Variants in ITIH3 observed in about 807,000 individuals in gnomAD.
ITIH3 encodes inter-alpha-trypsin inhibitor heavy chain 3.
In ITIH3, 81 loss-of-function variants were observed where a neutral mutation model predicts 96.5. That is an observed-to-expected ratio of 0.84 (90% confidence interval 0.70 to 1.01). The LOEUF is 1.01. Ranked by LOEUF, ITIH3 falls within the 50% of genes least tolerant of loss-of-function variation. The pLI is 0.00. For synonymous variants in ITIH3, 422 were observed against 445.2 expected (o/e 0.95, Z 0.66); for missense variants, 1,057 against 1,139.3 (o/e 0.93, Z 1.04).
chr3:52,803,774 C>A (rs1029072782), intron 13 of ITIH3, 81 bp from the exon 14 acceptor site: 2 of 1,499,540 alleles, frequency 1.3e-6, no homozygotes, highest in Non-Finnish European at 1.8e-6. Flanking sequence ...GGATCCCCAG[C>A]TGTGTCCACT....
chr3:52,805,849 A>C lies in ITIH3; in HGVS notation c.1906+9A>C. 1.9e-6 allele frequency: 3 copies of C among 1,613,482 alleles called. No individual in the cohort carries two copies. The highest frequency in any genetic ancestry group is 2.5e-6 in the Non-Finnish European group (3 of 1,179,564). The stretch of plus-strand genomic sequence containing the variant: ...CGCCATGTCCTACCTGAGTGAGTAC[A>C]TGCTGGCAGCTGCCACTCCTCCCAC... On this transcript the variant is annotated intron_variant, in intron 16 of 21. Transcript: ENST00000449956.
chr3:52,805,870 C>T, intron 16 of ITIH3, 30 bp downstream of exon 16: 3 of 1,612,706 alleles, frequency 1.9e-6, no homozygotes, highest in Non-Finnish European at 2.5e-6. Flanking sequence ...TGCCACTCCT[C>T]CCACTGCTTA....
At position 52,802,871 on chromosome 3, in the gene ITIH3, C is replaced by T; in HGVS notation, c.1709+65C>T. ...CTGGGCTCCAATGCAAGGGCACCCCCATACGCAGTCCCAGCGGTCCTGCCC... is the reference window on the plus strand; with the variant it reads ...CTGGGCTCCAATGCAAGGGCACCCCTATACGCAGTCCCAGCGGTCCTGCCC... On this transcript the variant is annotated intron_variant, in intron 13 of 21. Transcript: ENST00000449956. 6 of 1,575,728 alleles carry T rather than the reference C, an allele frequency of 3.8e-6. No individual in the cohort carries two copies. In the South Asian group the frequency reaches 5.7e-5, roughly 15 times the overall value.
chr3:52,796,489 T>G lies in ITIH3; in HGVS notation c.123T>G (p.Asn41Lys). 6.2e-7 allele frequency: 1 copy of G among 1,611,788 alleles called. No individual in the cohort carries two copies. The highest frequency in any genetic ancestry group is 1.1e-5 in the South Asian group (1 of 90,808). ...GKRSLPEGVA[N>K]GIEVYSTKIN... is the part of the protein sequence containing the mutation. ...CACCCACCTCCCCAAAGGTGGCCAA[T>G]GGCATCGAGGTCTACAGTACCAAAA... is the stretch of plus-strand genomic sequence containing the variant. Residue 41 changes from asparagine (N) to lysine (K), a missense_variant, in exon 3 of 22, where the codon AAT (asparagine) becomes AAG (lysine). Physicochemically the swap from Asn to Lys is moderately conservative, Grantham distance 94 (BLOSUM62 0). Transcript: ENST00000449956.
In ITIH3 at chr3:52,800,518, G is replaced by T. The variant is rs1366145896; in HGVS notation, c.1076-20G>T. 2.9e-5 allele frequency: 45 copies of T among 1,552,404 alleles called. No individual in the cohort carries two copies. The highest frequency in any genetic ancestry group is 3.7e-5 in the Non-Finnish European group (43 of 1,147,486). Reference sequence around the variant, plus strand: ...CACCCTGAGGACACCCTCCCACGGTGCTGTCTGTCTGTGTCCCAGTGACCA... The same window carrying T: ...CACCCTGAGGACACCCTCCCACGGTTCTGTCTGTCTGTGTCCCAGTGACCA... On this transcript the variant is annotated intron_variant, in intron 9 of 21. Transcript: ENST00000449956.
In ITIH3 at chr3:52,808,533, A is replaced by C; in HGVS notation, c.2544-19A>C. The C allele has an allele frequency of 6.2e-7, 1 of 1,610,920 alleles. No individual in the cohort carries two copies. Among genetic ancestry groups the C allele is most frequent in the African/African-American group, 1.3e-5 (1 of 74,972 alleles). On this transcript the variant is annotated intron_variant, in intron 21 of 21. Transcript: ENST00000449956. The stretch of plus-strand genomic sequence containing the variant: ...TCTTACCCACCCCGTGTATTGCAGC[A>C]TCTCTCTTCTTTCCCCAGGGGCTCC...
chr3:52,800,619 G>A lies in ITIH3; in HGVS notation c.1157G>A (p.Ser386Asn), dbSNP rs1353227917. 6.3e-7 allele frequency: 1 copy of A among 1,586,818 alleles called. No homozygotes were observed. The highest frequency in any genetic ancestry group is 8.6e-7 in the Non-Finnish European group (1 of 1,166,394). Residue 386 changes from serine (S) to asparagine (N), a missense_variant, in exon 10 of 22, where the codon AGC becomes AAC. By Grantham distance (46) the Ser-to-Asn change is conservative. Transcript: ENST00000449956. ...AREEHRIPER[S>N]TSIVIMLTDG... The stretch of plus-strand genomic sequence containing the variant: ...GAGGAGCACAGAATCCCAGAGAGGA[G>A]CACCTCCATTGTCATCATGCTGACT...
At chr3:52,796,092 G>T (rs1272758654) in intron 2 of ITIH3, 3 of 235,704 alleles carry the variant, frequency 1.3e-5, no homozygotes, top group Non-Finnish European at 2.5e-5. Flanking sequence ...AAAGACCCAG[G>T]AGGTGGGCTG....
In ITIH3 at chr3:52,802,321, G is replaced by A. The variant is rs9848554; in HGVS notation, c.1384-13G>A. 0.02 allele frequency: 31,672 copies of A among 1,613,018 alleles called. 814 individuals carry two copies. Among genetic ancestry groups the A allele is most frequent in the African/African-American group, 0.13 (9,643 of 74,984 alleles). On this transcript the variant is annotated splice_polypyrimidine_tract_variant and intron_variant, in intron 11 of 21. Transcript: ENST00000449956. ...CCTGGGGCTTGAGATGACTGGCCCC[G>A]TGCGAACTTCAGGGCTTCTATGAGG...
chr3:52,794,994 A>G, intron 1 of ITIH3, 98 bp downstream of exon 1: 1 of 995,792 alleles, frequency 1.0e-6, no homozygotes, highest in East Asian at 2.4e-5. Context: ...GAGGAGGCAG[A>G]GGGCTGGGCA....
Position 52,807,734 on chromosome 3 carries a change from C to G in ITIH3, c.2262-13C>G, listed in dbSNP as rs761517104. 5.6e-6 allele frequency: 9 copies of G among 1,602,332 alleles called. No individual in the cohort carries two copies. The highest frequency in any genetic ancestry group is 3.4e-5 in the Admixed American group (2 of 58,338). ...ACTGGGCCCCACAGCCACTTTCTGG[C>G]TTCCTCTCGTAGGCTGTCCATGATG... On this transcript the variant is annotated splice_polypyrimidine_tract_variant and intron_variant, in intron 19 of 21. Coordinates refer to ENST00000449956, the MANE Select transcript of ITIH3 (RefSeq NM_002217.4).
Position 52,807,863 on chromosome 3 carries a change from G to A in ITIH3, c.2378G>A (p.Gly793Asp), listed in dbSNP as rs1292914714. Residue 793 changes from glycine (G) to aspartate (D), a missense_variant, in exon 20 of 22, where the codon GGC (glycine) becomes GAC (aspartate). By Grantham distance (94) the Gly-to-Asp change is moderately conservative. Transcript: ENST00000449956. The stretch of plus-strand genomic sequence containing the variant: ...CATCCTGTCCACCGTGACTTTCTAG[G>A]CTTCTACGTGGTGGACAGTCACCGG... The part of the protein sequence containing the change: ...KKHPVHRDFL[G>D]FYVVDSHRMS... 6.2e-7 allele frequency: 1 copy of A among 1,612,292 alleles called. No homozygotes were observed. Among genetic ancestry groups the A allele is most frequent in the East Asian group, 2.2e-5 (1 of 44,838 alleles).
rs370868108 is a variant in ITIH3 at position 52,798,923 on chromosome 3, G to A, written c.664-43G>A. 1.4e-5 allele frequency: 23 copies of A among 1,605,500 alleles called. 2 individuals are homozygous for A. In the East Asian group the frequency reaches 2.9e-4, roughly 20 times the overall value. Reference sequence around the variant, plus strand: ...AGGGCTGAGGTCTCCCAGTGGGCAGGCCCTGGCCGAGCTGAGCAAGGTCTT... The same window carrying A: ...AGGGCTGAGGTCTCCCAGTGGGCAGACCCTGGCCGAGCTGAGCAAGGTCTT... On this transcript the variant is annotated intron_variant, in intron 6 of 21. Coordinates refer to ENST00000449956, the MANE Select transcript of ITIH3 (RefSeq NM_002217.4).
intron 15 of ITIH3, chr3:52,805,278 C>T (rs1442683566): frequency 3.0e-6 from 3 of 1,008,976 alleles, no homozygotes; most frequent in African/African-American, 1.7e-5. Flanking sequence ...CCTCCCCAGC[C>T]CCTACTGGCC....
intron 13 of ITIH3, 122 bp from the exon 14 acceptor site, chr3:52,803,732 TG>T: frequency 1.8e-6 from 2 of 1,109,352 alleles, no homozygotes; most frequent in Non-Finnish European, 2.6e-6. Flanking sequence ...GGCTGTACCC[TG>T]GGGGACCCCA....
At chr3:52,798,774 G>T in intron 6 of ITIH3, 192 bp from the exon 7 acceptor site, 1 of 620,062 alleles carries the variant, frequency 1.6e-6, no homozygotes, top group African/African-American at 1.8e-5. Context: ...GTGCCTTCCA[G>T]TGAGTCCTGG....
At chr3:52,805,734 G>C (rs1383858131) in intron 15 of ITIH3, 74 bp from the exon 16 acceptor site, 2 of 1,604,986 alleles carry the variant, frequency 1.2e-6, no homozygotes, top group East Asian at 2.2e-5. Flanking sequence ...GCAGCGCTAA[G>C]ACAGGAGGAA....
At chr3:52,797,065 T>C in intron 4 of ITIH3, 40 bp from the exon 5 acceptor site, 1 of 1,591,068 alleles carries the variant, frequency 6.3e-7, no homozygotes, top group East Asian at 2.3e-5. Flanking sequence ...GGTGGGCTCC[T>C]GCAGTCTTTG....
chr3:52,800,497 C>G, intron 9 of ITIH3, 41 bp from the exon 10 acceptor site: 3 of 1,550,480 alleles, frequency 1.9e-6, no homozygotes, highest in Middle Eastern at 1.7e-4. Flanking sequence ...CACTGGCACC[C>G]TGAGGACACC....
Sources: allele counts gnomAD v4.1 joint callset, GRCh38; gene constraint gnomAD v4.1.1; transcripts MANE v1.5; gene names NCBI Gene and HGNC (gene_info 2026-07-23, HGNC 2026-07-21).